The following MMP16 variants were observed in gnomAD, a reference collection of about 807,000 sequenced individuals.
The protein encoded by MMP16 is matrix metalloproteinase-16.
MMP16 carries 12 observed loss-of-function variants against 67.8 expected under a neutral mutation model. The observed-to-expected ratio is 0.18, with a 90% CI of 0.11 to 0.29. The LOEUF (loss-of-function observed/expected upper bound fraction) is 0.29. Among genes scored for constraint, MMP16 ranks in the 10% least tolerant of loss-of-function variants. The pLI is 1.00. For synonymous variants in MMP16, 249 were observed against 255.9 expected (o/e 0.97, Z 0.26); for missense variants, 475 against 765.7 (o/e 0.62, Z 4.48).
intron 1 of MMP16, among the ~76,000 whole-genome samples, chr8:88,259,210 T>C (rs1028422661): frequency 1.3e-5 from 2 of 152,208 alleles, no homozygotes; most frequent in African/African-American, 2.4e-5. Flanking sequence ...CTATATATAG[T>C]ATACATGTAA....
chr8:88,156,608 CA>C (rs1054018575), intron 4 of MMP16, among the ~76,000 whole-genome samples: 1 of 150,610 alleles, frequency 6.6e-6, no homozygotes, highest in African/African-American at 2.4e-5. Context: ...TGTAATTCTG[CA>C]AAAAAAAGTT....
At chr8:88,160,158 T>A (rs1808591509) in intron 4 of MMP16, among the ~76,000 whole-genome samples, 2 of 151,912 alleles carry the variant, frequency 1.3e-5, no homozygotes, top group African/African-American at 4.8e-5. Context: ...AGTGTCATGT[T>A]CCCCTTCCTG....
chr8:88,092,147 A>G (rs979081334), intron 6 of MMP16, among the ~76,000 whole-genome samples: 4 of 151,864 alleles, frequency 2.6e-5, no homozygotes, highest in African/African-American at 9.7e-5. Flanking sequence ...AAAAATTTGC[A>G]GTGTTTCTAC....
chr8:88,100,306 A>G, intron 6 of MMP16, among the ~76,000 whole-genome samples: 1 of 152,064 alleles, frequency 6.6e-6, no homozygotes, highest in East Asian at 1.9e-4. Context: ...CCCATCAAAA[A>G]GTGGGCAAAG....
At chr8:88,190,381 C>T (rs1329499215) in intron 2 of MMP16, among the ~76,000 whole-genome samples, 4 of 152,084 alleles carry the variant, frequency 2.6e-5, no homozygotes, top group Admixed American at 1.3e-4. Context: ...TTGTATGTGA[C>T]TTTAAACATT....
chr8:88,153,564 C>T (rs1021570637), intron 4 of MMP16, among the ~76,000 whole-genome samples: 4 of 151,960 alleles, frequency 2.6e-5, no homozygotes, highest in African/African-American at 4.8e-5. Flanking sequence ...TAACACCGCA[C>T]ACCTACAACT....
intron 1 of MMP16, among the ~76,000 whole-genome samples, chr8:88,236,324 G>A (rs1483160165): frequency 1.3e-5 from 2 of 152,214 alleles, no homozygotes; most frequent in Non-Finnish European, 2.9e-5. Flanking sequence ...TTTCTGTGAG[G>A]TTCAAATGCA....
chr8:88,139,683 C>A (rs1362246356), intron 4 of MMP16, among the ~76,000 whole-genome samples: 1 of 151,966 alleles, frequency 6.6e-6, no homozygotes, highest in Non-Finnish European at 1.5e-5. Context: ...CCATTAATTA[C>A]TGAATAAATA....
In MMP16 at chr8:88,327,337, C is replaced by A. The variant is rs997849775; in HGVS notation, c.-131G>T. On this transcript the variant is annotated 5_prime_UTR_variant, in exon 1 of 10. Coordinates refer to ENST00000286614, the MANE Select transcript of MMP16 (RefSeq NM_005941.5). ...AAGGAGCCTGCAGGTTCACCCACAG[C>A]CGGGCAAGGGGAGGAGACAGGGGCC... 6.4e-6 allele frequency: 8 copies of A among 1,242,792 alleles called. No homozygotes were observed. In the African/African-American group the frequency reaches 1.2e-4, roughly 19 times the overall value. 77.0% of individuals were successfully genotyped at this position (1,242,792 alleles called of 1,614,324 possible).
At chr8:88,138,268 G>C (rs1306814777) in intron 4 of MMP16, among the ~76,000 whole-genome samples, 3 of 151,922 alleles carry the variant, frequency 2.0e-5, no homozygotes, top group Admixed American at 2.0e-4. Context: ...AGACTGAGGA[G>C]TCTGGTTACA....
At chr8:88,178,765 T>C (rs1008720199) in intron 3 of MMP16, among the ~76,000 whole-genome samples, 2 of 152,180 alleles carry the variant, frequency 1.3e-5, no homozygotes, top group African/African-American at 4.8e-5. Flanking sequence ...TTATGCAGTA[T>C]AACCGCATGT....
At chr8:88,176,521 C>G (rs942418683) in intron 3 of MMP16, among the ~76,000 whole-genome samples, 3 of 152,206 alleles carry the variant, frequency 2.0e-5, no homozygotes, top group Admixed American at 2.0e-4. Flanking sequence ...ATGGAGCTGT[C>G]TAACGTTTAC....
At chr8:88,191,240 T>C (rs758561601) in intron 2 of MMP16, among the ~76,000 whole-genome samples, 9 of 152,200 alleles carry the variant, frequency 5.9e-5, no homozygotes, top group Non-Finnish European at 1.3e-4. Context: ...GCTGACTCAA[T>C]AGTCCTATGA....
At chr8:88,232,603 T>G (rs1563569168) in intron 1 of MMP16, among the ~76,000 whole-genome samples, 1 of 152,186 alleles carries the variant, frequency 6.6e-6, no homozygotes, top group Non-Finnish European at 1.5e-5. Context: ...TCTAAATAGT[T>G]TTAATCTTAA....
At chr8:88,296,012 T>A (rs996366792) in intron 1 of MMP16, among the ~76,000 whole-genome samples, 4 of 150,682 alleles carry the variant, frequency 2.7e-5, no homozygotes, top group African/African-American at 9.7e-5. Flanking sequence ...ATTTCATATA[T>A]TAACTGTATA....
intron 2 of MMP16, 104 bp downstream of exon 2, chr8:88,197,054 A>T (rs1809267481): frequency 9.2e-7 from 1 of 1,085,516 alleles, no homozygotes; most frequent in South Asian, 1.6e-5. Context: ...AGTTCATGAG[A>T]CAAATTACTC....
chr8:88,219,842 G>T (rs1270210427), intron 1 of MMP16, among the ~76,000 whole-genome samples: 1 of 152,002 alleles, frequency 6.6e-6, no homozygotes, highest in African/African-American at 2.4e-5. Context: ...TTGAATTTTT[G>T]AGTTGAATTT....
intron 6 of MMP16, among the ~76,000 whole-genome samples, chr8:88,112,899 C>T (rs1809362317): frequency 6.6e-6 from 1 of 151,708 alleles, no homozygotes; most frequent in Admixed American, 6.6e-5. Context: ...TTACCTTTTG[C>T]TTACATCTAG....
At chr8:88,310,182 G>GA (rs925300704) in intron 1 of MMP16, among the ~76,000 whole-genome samples, 35 of 151,912 alleles carry the variant, frequency 2.3e-4, no homozygotes, top group Admixed American at 1.4e-3. Flanking sequence ...CACACCACCA[G>GA]AAAAAAACGA....
Sources: gnomAD v4.1 joint callset for allele counts (sites outside exome capture counted in the v4.1 genomes callset) on GRCh38, gnomAD v4.1.1 for gene constraint, MANE v1.5 for transcripts, NCBI Gene and HGNC (gene_info 2026-07-23, HGNC 2026-07-21) for gene names.